Variants in RUBCN observed in about 807,000 individuals in gnomAD.
RUBCN encodes the protein run domain Beclin-1-interacting and cysteine-rich domain-containing protein.
RUBCN carries 74 observed loss-of-function variants against 113.2 expected under a neutral mutation model. The observed-to-expected ratio is 0.65, with a 90% CI of 0.54 to 0.79. RUBCN has a LOEUF of 0.79. Among genes scored for constraint, RUBCN ranks in the 30% least tolerant of loss-of-function variants. RUBCN has a pLI of 0.00. For missense variants in RUBCN, 1,109 were observed against 1,251.7 expected, an observed-to-expected ratio of 0.89 and a Z score of 1.72; for synonymous variants, 480 against 490.0, an observed-to-expected ratio of 0.98 and a Z score of 0.27.
intron 1 of RUBCN, among the ~76,000 whole-genome samples, chr3:197,727,514 G>A (rs531181638): frequency 1.3e-5 from 2 of 152,294 alleles, no homozygotes; most frequent in East Asian, 3.9e-4. Context: ...GCCAAAAATT[G>A]TAAAGGATTG....
chr3:197,716,860 T>C (rs1162455652), intron 2 of RUBCN, among the ~76,000 whole-genome samples: 1 of 151,914 alleles, frequency 6.6e-6, no homozygotes, highest in Non-Finnish European at 1.5e-5. Flanking sequence ...GTGGCTCATG[T>C]CTATAATCTC....
At position 197,683,999 on chromosome 3, in the gene RUBCN, C is replaced by A. The variant is rs918970639; in HGVS notation, c.1847+158G>T. ...ACTGGGACCAAAGAGCTTCTGCTTT[C>A]TTCCCGTGGGCTCGGCACCATCAGC... On this transcript the variant is annotated intron_variant, in intron 12 of 19. Coordinates refer to ENST00000296343, the MANE Select transcript of RUBCN (RefSeq NM_014687.4). The surrounding 1 kb of genome is among the most constrained non-coding windows in gnomAD (Gnocchi z 4.6). Among the ~76,000 whole-genome samples the A allele has an allele frequency of 3.3e-5, 5 of 152,230 alleles. No individual in the cohort carries two copies. Among genetic ancestry groups the A allele is most frequent in the Non-Finnish European group, 5.9e-5 (4 of 68,040 alleles).
intron 11 of RUBCN, among the ~76,000 whole-genome samples, chr3:197,688,674 T>G (rs1722109766): frequency 6.6e-6 from 1 of 151,992 alleles, no homozygotes; most frequent in South Asian, 2.1e-4. Context: ...ACAACAAAAC[T>G]CTAAATCCAA....
At chr3:197,741,771 TGAGATCGCACCACTGCACTCCA>T (rs1383897422), upstream of RUBCN, among the ~76,000 whole-genome samples, 2 of 150,268 alleles carry the variant, frequency 1.3e-5, no homozygotes, top group African/African-American at 4.9e-5. Context: ...TGCAGTGAGC[TGAGATCGCACCACTGCACTCCA>T]GAGATTGCAC....
intron 11 of RUBCN, among the ~76,000 whole-genome samples, chr3:197,686,748 AAC>A (rs1200528957): frequency 2.3e-4 from 35 of 152,252 alleles, no homozygotes; most frequent in African/African-American, 8.2e-4. Flanking sequence ...AGTGGAATTT[AAC>A]ACAATTCTGA....
In RUBCN at chr3:197,705,101, G is replaced by A. The variant is rs756413584; in HGVS notation, c.294C>T (p.His98=). Residue 98 remains histidine (H), a synonymous_variant, in exon 3 of 20, where the codon CAC becomes CAT. Coordinates refer to ENST00000296343, the MANE Select transcript of RUBCN (RefSeq NM_014687.4). ...IRWLSPHSAL[H]VEKFISVHEN... is the part of the protein sequence containing the mutation. ...CTGCTCTCACTCTTACCTTCTCCAC[G>A]TGAAGGGCTGAGTGGGGACTGAGCC... 28 of 1,613,536 alleles carry A rather than the reference G, an allele frequency of 1.7e-5. No individual in the cohort carries two copies. Among genetic ancestry groups the A allele is most frequent in the South Asian group, 1.3e-4 (12 of 90,982 alleles).
At chr3:197,725,657 G>A (rs919907002) in intron 1 of RUBCN, among the ~76,000 whole-genome samples, 9 of 150,168 alleles carry the variant, frequency 6.0e-5, no homozygotes, top group African/African-American at 2.0e-4. Context: ...GCCACTGCAC[G>A]CAGCCAAAGG....
intron 11 of RUBCN, among the ~76,000 whole-genome samples, chr3:197,690,439 A>C (rs1722302092): frequency 6.6e-6 from 1 of 152,074 alleles, no homozygotes; most frequent in African/African-American, 2.4e-5. Context: ...ACTCCGTCTC[A>C]AAAAAAATAC....
chr3:197,707,821 C>T (rs1349862702), intron 2 of RUBCN, among the ~76,000 whole-genome samples: 7 of 151,392 alleles, frequency 4.6e-5, no homozygotes, highest in Non-Finnish European at 8.8e-5. Context: ...AAAAATTAGC[C>T]GGGCATGGGG....
chr3:197,691,046 G>C, intron 11 of RUBCN: 1 of 1,230,850 alleles, frequency 8.1e-7, no homozygotes, highest in Non-Finnish European at 1.1e-6. Flanking sequence ...GCATCTACAA[G>C]CACATCCACG....
chr3:197,735,171 A>G (rs908261962), intron 1 of RUBCN, among the ~76,000 whole-genome samples: 1 of 152,110 alleles, frequency 6.6e-6, no homozygotes, highest in Non-Finnish European at 1.5e-5. Flanking sequence ...GTGGCGGGGG[A>G]GAATTGCTTG....
At chr3:197,698,928 T>C (rs1455180635) in intron 7 of RUBCN, among the ~76,000 whole-genome samples, 1 of 151,984 alleles carries the variant, frequency 6.6e-6, no homozygotes, top group East Asian at 1.9e-4. Context: ...CAGGCCTCAG[T>C]TTCACCTTTG....
At position 197,694,440 on chromosome 3, in the gene RUBCN, C is replaced by T. The variant is rs202001196; in HGVS notation, c.1619G>A (p.Arg540His). Residue 540 changes from arginine (R) to histidine (H), a missense_variant, in exon 10 of 20, where the codon CGC becomes CAC. Arg to His is a conservative substitution (Grantham distance 29). Around this residue, in one of 3 missense-constraint regions of RUBCN, gnomAD observed 736 missense variants for 779.6 expected, o/e 0.94. Coordinates refer to ENST00000296343, the MANE Select transcript of RUBCN (RefSeq NM_014687.4). The part of the protein sequence containing the change: ...REIQELKQKI[R>H]LRRQQIRTKN... ...GGTGCGGATTTGCTGGCGCCGAAGGCGGATCTTCTGCTTCAGCTCCTGGAT... is the reference window on the plus strand; with the variant it reads ...GGTGCGGATTTGCTGGCGCCGAAGGTGGATCTTCTGCTTCAGCTCCTGGAT... The T allele has an allele frequency of 8.7e-6, 14 of 1,614,082 alleles. No homozygotes were observed. Among genetic ancestry groups the T allele is most frequent in the East Asian group, 2.2e-5 (1 of 44,896 alleles).
chr3:197,742,760 G>GA (rs1728578063), intron 1 of RUBCN, among the ~76,000 whole-genome samples: 1 of 152,234 alleles, frequency 6.6e-6, no homozygotes, highest in Non-Finnish European at 1.5e-5. Context: ...AGGAATGCCT[G>GA]AAGACCCGCG....
intron 1 of RUBCN, among the ~76,000 whole-genome samples, chr3:197,744,896 C>T (rs182336308): frequency 5.2e-4 from 79 of 152,142 alleles, no homozygotes; most frequent in African/African-American, 1.8e-3. Context: ...TTCAGATTAT[C>T]GTAGTGTTTT....
At chr3:197,720,887 G>C (rs1366904920) in intron 1 of RUBCN, among the ~76,000 whole-genome samples, 1 of 151,956 alleles carries the variant, frequency 6.6e-6, no homozygotes, top group East Asian at 1.9e-4. Flanking sequence ...CCTCCAGACT[G>C]TGTCGCATAA....
At chr3:197,725,520 CTTTTTTTTTTTT>C (rs10718685) in intron 1 of RUBCN, among the ~76,000 whole-genome samples, 1 of 75,316 alleles carries the variant, frequency 1.3e-5, no homozygotes, top group Non-Finnish European at 2.4e-5. Flanking sequence ...ACAGGAGAAT[CTTTTTTTTTTTT>C]TTTTTTTTTT....
chr3:197,675,585 C>T lies in RUBCN; in HGVS notation c.2647-70G>A. Reference sequence around the variant, plus strand: ...AGGAACTGGCACGGGAGGGTGAACACCGAGGAGGGGAGTGGTCTACAGGGT... The same window carrying T: ...AGGAACTGGCACGGGAGGGTGAACATCGAGGAGGGGAGTGGTCTACAGGGT... On this transcript the variant is annotated intron_variant, in intron 18 of 19. Coordinates refer to ENST00000296343, the MANE Select transcript of RUBCN (RefSeq NM_014687.4). The surrounding 1 kb of genome is among the most constrained non-coding windows in gnomAD (Gnocchi z 4.4). 3 of 1,172,598 alleles carry T rather than the reference C, an allele frequency of 2.6e-6. No homozygotes were observed. The highest frequency in any genetic ancestry group is 3.8e-6 in the Non-Finnish European group (3 of 783,630). 72.6% of individuals were successfully genotyped at this position (1,172,598 alleles called of 1,614,324 possible).
chr3:197,699,087 C>A (rs1308853696), intron 7 of RUBCN: 10 of 823,150 alleles, frequency 1.2e-5, no homozygotes, highest in South Asian at 4.3e-5. Flanking sequence ...CAAGACCAGG[C>A]TAGCCAGACT....
Sources: allele counts gnomAD v4.1 joint callset (sites outside exome capture counted in the v4.1 genomes callset), GRCh38; gene constraint gnomAD v4.1.1; regional missense constraint gnomAD v4.1.1; non-coding constraint Gnocchi (gnomAD v3.1); transcripts MANE v1.5; gene names NCBI Gene and HGNC (gene_info 2026-07-23, HGNC 2026-07-21).